The following DLGAP2 variants were observed in gnomAD, a reference collection of about 807,000 sequenced individuals.
DLGAP2 encodes the protein disks large-associated protein 2.
In DLGAP2, 26 loss-of-function variants were observed where a neutral mutation model predicts 100.3. The observed-to-expected ratio is 0.26, with a 90% CI of 0.19 to 0.36. DLGAP2 has a LOEUF of 0.36. DLGAP2 is among the 10% of genes least tolerant of loss of function. The pLI, the probability that DLGAP2 is intolerant of heterozygous loss-of-function variation, is 1.00. For missense variants in DLGAP2, 1,858 were observed against 1,453.2 expected (o/e 1.28, Z -4.53); for synonymous variants, 886 against 630.1 (o/e 1.41, Z -6.08).
chr8:995,365 ATAT>A (rs1800755645), intron 2 of DLGAP2, among the ~76,000 whole-genome samples: 2 of 152,226 alleles, frequency 1.3e-5, no homozygotes, highest in Admixed American at 6.5e-5. Context: ...TGTCAATGAA[ATAT>A]TATAGTAACT....
chr8:1,675,028 A>C (rs1448020265), intron 10 of DLGAP2, among the ~76,000 whole-genome samples: 2 of 152,210 alleles, frequency 1.3e-5, no homozygotes, highest in Non-Finnish European at 2.9e-5. Context: ...GAAGGCCAGG[A>C]TCTTCACTCA....
At chr8:816,369 G>C (rs982673643) in intron 1 of DLGAP2, among the ~76,000 whole-genome samples, 9 of 150,348 alleles carry the variant, frequency 6.0e-5, no homozygotes, top group Non-Finnish European at 1.0e-4. Context: ...TCAAGGATTT[G>C]TTTCAAGATT....
At chr8:1,064,983 A>C (rs555165778) in intron 2 of DLGAP2, among the ~76,000 whole-genome samples, 11 of 152,346 alleles carry the variant, frequency 7.2e-5, no homozygotes, top group South Asian at 4.1e-4. Flanking sequence ...CATGCTGTGC[A>C]TTCACAGTTT....
At position 816,493 on chromosome 8, in the gene DLGAP2, C is replaced by G. The variant is rs189300460; in HGVS notation, c.18+78668C>G. On this transcript the variant is annotated intron_variant, in intron 1 of 14. Transcript: ENST00000637795. ...CCTTCATTTACGAAGCTTAGTATCA[C>G]TGGATGCAAAATTCTTGGCTGGTAA... 1.6e-4 allele frequency among the ~76,000 whole-genome samples: 25 copies of G among 152,230 alleles called. No individual in the cohort carries two copies. The East Asian group carries it at 3.9e-3, about 24-fold the overall frequency.
intron 10 of DLGAP2, among the ~76,000 whole-genome samples, chr8:1,670,544 C>T (rs960319418): frequency 6.6e-6 from 1 of 152,240 alleles, no homozygotes; most frequent in Non-Finnish European, 1.5e-5. Flanking sequence ...ACCCTGCACC[C>T]AGCACTGTGC....
chr8:1,292,943 A>T (rs1800093516), intron 3 of DLGAP2, among the ~76,000 whole-genome samples: 2 of 152,112 alleles, frequency 1.3e-5, no homozygotes, highest in Non-Finnish European at 2.9e-5. Context: ...TCCCTGCATT[A>T]GGACCCTGGG....
In DLGAP2 at chr8:1,307,071, G is replaced by A. The variant is rs533574032; in HGVS notation, c.106+48188G>A. 9.4e-4 allele frequency among the ~76,000 whole-genome samples: 143 copies of A among 152,122 alleles called. 1 individual carries two copies. The highest frequency in any genetic ancestry group is 2.3e-3 in the Admixed American group (35 of 15,276). On this transcript the variant is annotated intron_variant, in intron 3 of 14. Coordinates refer to ENST00000637795, the MANE Select transcript of DLGAP2 (RefSeq NM_001346810.2). ...CAGAATTAAAGCTTGTGTGCATTAA[G>A]GGACACTTTCAGCTGAATGAAAGGG...
chr8:1,222,035 A>G lies in DLGAP2; in HGVS notation c.74-36816A>G, dbSNP rs984529173. ...GGATTAGGTTTCAACCTCATTCTGA[A>G]TCTTGAGCTTCTGTGCCATCCAGAT... On this transcript the variant is annotated intron_variant, in intron 2 of 14. Transcript: ENST00000637795. Among the ~76,000 whole-genome samples, 10 of 152,250 alleles carry G rather than the reference A, an allele frequency of 6.6e-5. No individual in the cohort carries two copies. The South Asian group carries it at 8.3e-4, about 13-fold the overall frequency.
At chr8:965,280 C>T (rs1228173625) in intron 2 of DLGAP2, among the ~76,000 whole-genome samples, 5 of 137,094 alleles carry the variant, frequency 3.6e-5, no homozygotes, top group Non-Finnish European at 3.1e-5. Context: ...CGCGTGCACA[C>T]GGCACTGTTC....
At chr8:1,638,687 G>A (rs563384847) in intron 8 of DLGAP2, among the ~76,000 whole-genome samples, 46 of 152,266 alleles carry the variant, frequency 3.0e-4, no homozygotes, top group African/African-American at 9.4e-4. Flanking sequence ...CCGTGAAGAG[G>A]CTTTTAAGAG....
intron 4 of DLGAP2, among the ~76,000 whole-genome samples, chr8:1,509,167 C>T (rs1276818953): frequency 6.6e-6 from 1 of 151,934 alleles, no homozygotes; most frequent in Non-Finnish European, 1.5e-5. Flanking sequence ...CCCGTCTCTA[C>T]TAAAATACAA....
chr8:1,371,755 GA>G (rs1177481286), intron 3 of DLGAP2, among the ~76,000 whole-genome samples: 2 of 152,182 alleles, frequency 1.3e-5, no homozygotes, highest in Non-Finnish European at 2.9e-5. Flanking sequence ...CGCCACTTGA[GA>G]GGGGAAGTGG....
intron 3 of DLGAP2, among the ~76,000 whole-genome samples, chr8:1,293,128 T>G (rs1800097780): frequency 1.3e-5 from 2 of 152,180 alleles, no homozygotes. Flanking sequence ...TCAATCCTTG[T>G]GTGTCTGAAA....
intron 2 of DLGAP2, among the ~76,000 whole-genome samples, chr8:1,188,535 C>G (rs1365780449): frequency 6.6e-6 from 1 of 150,846 alleles, no homozygotes; most frequent in Admixed American, 6.6e-5. Flanking sequence ...ACGTTTCCCT[C>G]ACGGAATCTC....
chr8:1,283,842 G>A (rs1448816136), intron 3 of DLGAP2, among the ~76,000 whole-genome samples: 1 of 152,200 alleles, frequency 6.6e-6, no homozygotes, highest in Non-Finnish European at 1.5e-5. Flanking sequence ...TAAAGTATGA[G>A]AGTAAACTAC....
At chr8:1,325,157 C>T (rs1421219741) in intron 3 of DLGAP2, among the ~76,000 whole-genome samples, 2 of 152,210 alleles carry the variant, frequency 1.3e-5, no homozygotes, top group African/African-American at 2.4e-5. Flanking sequence ...TCACTTTCCC[C>T]CAGTCCCCCA....
intron 5 of DLGAP2, among the ~76,000 whole-genome samples, chr8:1,560,679 A>C (rs1802127404): frequency 6.6e-6 from 1 of 152,258 alleles, no homozygotes; most frequent in African/African-American, 2.4e-5. Flanking sequence ...AGAATTGTCA[A>C]GTCCCCAAAG....
intron 6 of DLGAP2, among the ~76,000 whole-genome samples, chr8:1,619,487 A>G (rs963172189): frequency 6.6e-6 from 1 of 152,246 alleles, no homozygotes; most frequent in Non-Finnish European, 1.5e-5. Flanking sequence ...AGAAAGAAAA[A>G]TAAATTTTTT....
chr8:1,336,304 T>C (rs1801271556), intron 3 of DLGAP2, among the ~76,000 whole-genome samples: 2 of 152,194 alleles, frequency 1.3e-5, no homozygotes, highest in African/African-American at 4.8e-5. Flanking sequence ...GCACCTTCGT[T>C]CTGGGAAGAA....
Sources: allele counts gnomAD v4.1 joint callset (sites outside exome capture counted in the v4.1 genomes callset), GRCh38; gene constraint gnomAD v4.1.1; transcripts MANE v1.5; gene names NCBI Gene and HGNC (gene_info 2026-07-23, HGNC 2026-07-21).